Variants in ADGRB3 observed in about 807,000 individuals in gnomAD.
The protein encoded by ADGRB3 is brain-specific angiogenesis inhibitor 3.
A neutral mutation model predicts 193.4 loss-of-function variants in ADGRB3; 37 were observed. The ratio of observed to expected loss-of-function variants is 0.19; its 90% confidence interval spans 0.15 to 0.25. ADGRB3 has a LOEUF of 0.25. Ranked by LOEUF, ADGRB3 falls within the 10% of genes least tolerant of loss-of-function variation. The pLI, the probability that ADGRB3 is intolerant of heterozygous loss-of-function variation, is 1.00. For synonymous variants in ADGRB3, 690 were observed against 644.2 expected (o/e 1.07, Z -1.08); for missense variants, 1,637 against 1,852.9 (o/e 0.88, Z 2.14).
At chr6:69,040,709 A>AC (rs1771039340) in intron 13 of ADGRB3, among the ~76,000 whole-genome samples, 2 of 57,254 alleles carry the variant, frequency 3.5e-5, no homozygotes, top group African/African-American at 7.1e-5. Context: ...AAAAAAAAAA[A>AC]CAAACAAGAA....
chr6:68,767,642 G>A (rs548531629), intron 3 of ADGRB3, among the ~76,000 whole-genome samples: 1 of 152,244 alleles, frequency 6.6e-6, no homozygotes, highest in South Asian at 2.1e-4. Context: ...AGACAAAGAT[G>A]CCATCTCTCA....
chr6:69,353,189 C>T (rs1270168130), intron 26 of ADGRB3, among the ~76,000 whole-genome samples: 2 of 152,172 alleles, frequency 1.3e-5, no homozygotes, highest in East Asian at 3.8e-4. Flanking sequence ...TGTTACTCAG[C>T]TATTCATGTT....
chr6:68,807,244 T>C (rs1327889123), intron 3 of ADGRB3, among the ~76,000 whole-genome samples: 5 of 136,962 alleles, frequency 3.7e-5, no homozygotes, highest in African/African-American at 1.5e-4. Context: ...TCTTTTTTTT[T>C]TTTTTTTTTT....
chr6:68,901,414 C>T (rs550317033), intron 3 of ADGRB3, among the ~76,000 whole-genome samples: 5 of 152,210 alleles, frequency 3.3e-5, no homozygotes, highest in South Asian at 4.1e-4. Context: ...GAAGAATCCA[C>T]AGTCTTTTTA....
intron 20 of ADGRB3, among the ~76,000 whole-genome samples, chr6:69,306,764 G>A (rs1056664948): frequency 1.3e-5 from 2 of 151,436 alleles, no homozygotes; most frequent in African/African-American, 4.9e-5. Flanking sequence ...AGTGAGGAGT[G>A]TGGACAAACA....
chr6:69,309,842 G>T (rs1403693298), intron 20 of ADGRB3, among the ~76,000 whole-genome samples: 1 of 151,686 alleles, frequency 6.6e-6, no homozygotes, highest in Admixed American at 6.6e-5. Flanking sequence ...GTGTGGAAAA[G>T]AAGATAAGTA....
At chr6:69,047,040 T>C (rs1385045515) in intron 13 of ADGRB3, among the ~76,000 whole-genome samples, 3 of 152,154 alleles carry the variant, frequency 2.0e-5, no homozygotes, top group Non-Finnish European at 4.4e-5. Flanking sequence ...TTTGTATTTT[T>C]AGTAGAGATG....
rs149019179 is a variant in ADGRB3 at position 68,759,010 on chromosome 6, C to T, written c.757+119578C>T. On this transcript the variant is annotated intron_variant, in intron 3 of 31. Coordinates refer to ENST00000370598, the MANE Select transcript of ADGRB3 (RefSeq NM_001704.3). ...TTACATTTAGCAGGTGTCCAGAATA[C>T]GAAATGGTAGGCCATGAACTCTAGA... 2.5e-3 allele frequency among the ~76,000 whole-genome samples: 376 copies of T among 152,202 alleles called. 1 individual carries two copies. Among genetic ancestry groups the T allele is most frequent in the African/African-American group, 8.1e-3 (336 of 41,552 alleles).
At chr6:68,861,313 C>A (rs1269017120) in intron 3 of ADGRB3, among the ~76,000 whole-genome samples, 2 of 152,152 alleles carry the variant, frequency 1.3e-5, no homozygotes, top group African/African-American at 4.8e-5. Context: ...GTGGCTCACG[C>A]CTGTGATCCC....
At chr6:68,791,970 T>G (rs1037758238) in intron 3 of ADGRB3, among the ~76,000 whole-genome samples, 21 of 152,182 alleles carry the variant, frequency 1.4e-4, no homozygotes, top group African/African-American at 4.1e-4. Context: ...ATTGAACAAG[T>G]GGTCAGCCAG....
At chr6:69,153,132 T>C (rs1023362746) in intron 17 of ADGRB3, among the ~76,000 whole-genome samples, 1 of 151,938 alleles carries the variant, frequency 6.6e-6, no homozygotes, top group Non-Finnish European at 1.5e-5. Context: ...AAACCCTGCA[T>C]GCAAAACAAT....
At chr6:68,897,760 A>AGG in intron 3 of ADGRB3, among the ~76,000 whole-genome samples, 1 of 8,738 alleles carries the variant, frequency 1.1e-4, no homozygotes, top group African/African-American at 3.7e-4. Context: ...GGAGGGAGGA[A>AGG]AAGGGAGGGA....
chr6:68,777,984 C>G (rs1465110712), intron 3 of ADGRB3, among the ~76,000 whole-genome samples: 1 of 151,994 alleles, frequency 6.6e-6, no homozygotes, highest in Non-Finnish European at 1.5e-5. Flanking sequence ...CCAACAAAGC[C>G]TGTTGATGCC....
chr6:68,716,078 A>G (rs902539994), intron 3 of ADGRB3, among the ~76,000 whole-genome samples: 4 of 151,790 alleles, frequency 2.6e-5, no homozygotes, highest in African/African-American at 9.7e-5. Flanking sequence ...AACTTCAGCT[A>G]TGTCAAATGA....
chr6:69,338,310 A>G (rs1391254714), intron 24 of ADGRB3, among the ~76,000 whole-genome samples: 2 of 152,198 alleles, frequency 1.3e-5, no homozygotes, highest in African/African-American at 2.4e-5. Flanking sequence ...TTTATTATCA[A>G]CTAATATTTC....
intron 3 of ADGRB3, among the ~76,000 whole-genome samples, chr6:68,729,189 G>T (rs1765726999): frequency 6.6e-6 from 1 of 151,606 alleles, no homozygotes; most frequent in Non-Finnish European, 1.5e-5. Context: ...GCCCTTCTCT[G>T]GGCTGTGTGC....
At chr6:69,262,724 A>G (rs555010803) in intron 20 of ADGRB3, among the ~76,000 whole-genome samples, 8 of 152,150 alleles carry the variant, frequency 5.3e-5, no homozygotes, top group Admixed American at 3.3e-4. Flanking sequence ...ATTTTATTAC[A>G]GTATATTGTA....
chr6:68,921,866 T>C (rs747115948), intron 3 of ADGRB3, among the ~76,000 whole-genome samples: 1 of 152,062 alleles, frequency 6.6e-6, no homozygotes, highest in Non-Finnish European at 1.5e-5. Flanking sequence ...CAAAGACCAG[T>C]AAGACCGCAA....
At chr6:69,363,822 G>C (rs962949475) in intron 29 of ADGRB3, among the ~76,000 whole-genome samples, 1 of 152,014 alleles carries the variant, frequency 6.6e-6, no homozygotes, top group Non-Finnish European at 1.5e-5. Flanking sequence ...GCATTGTCAA[G>C]TAGAATTATC....
Sources: gnomAD v4.1 joint callset for allele counts (sites outside exome capture counted in the v4.1 genomes callset) on GRCh38, gnomAD v4.1.1 for gene constraint, MANE v1.5 for transcripts, NCBI Gene and HGNC (gene_info 2026-07-23, HGNC 2026-07-21) for gene names.